DDC: variants seen among roughly 807,000 people sequenced by gnomAD.
DDC encodes the protein dopa decarboxylase.
DDC carries 43 observed loss-of-function variants against 60.0 expected under a neutral mutation model. The observed-to-expected ratio is 0.72, with a 90% CI of 0.56 to 0.92. DDC has a LOEUF of 0.92. Ranked by LOEUF, DDC falls within the 40% of genes least tolerant of loss-of-function variation. The pLI, the probability that DDC is intolerant of heterozygous loss-of-function variation, is 0.00. For missense variants in DDC, 573 were observed against 620.2 expected, an observed-to-expected ratio of 0.92 and a Z score of 0.81; for synonymous variants, 232 against 234.6, an observed-to-expected ratio of 0.99 and a Z score of 0.10.
intron 1 of DDC, chr7:50,563,916 T>C (rs1404094256): frequency 2.0e-5 from 3 of 152,226 alleles, no homozygotes; most frequent in Non-Finnish European, 2.9e-5. Flanking sequence ...TTTTATATAA[T>C]AATTTATTTA....
chr7:50,474,923 C>T (rs2042608883), intron 11 of DDC, among the ~76,000 whole-genome samples: 1 of 152,204 alleles, frequency 6.6e-6, no homozygotes, highest in Non-Finnish European at 1.5e-5. Context: ...AGCTCATCCT[C>T]AGCAGAAAGC....
At chr7:50,460,912 C>T (rs963556232) in intron 14 of DDC, among the ~76,000 whole-genome samples, 2 of 150,432 alleles carry the variant, frequency 1.3e-5, no homozygotes, top group Non-Finnish European at 3.0e-5. Context: ...ACAAACACTG[C>T]GGAAGGCCGC....
intron 6 of DDC, among the ~76,000 whole-genome samples, chr7:50,519,748 G>A (rs184183237): frequency 1.3e-3 from 199 of 152,054 alleles, no homozygotes; most frequent in Middle Eastern, 0.01. Flanking sequence ...GGAAGAGTGG[G>A]AGCGGGGGTG....
At chr7:50,469,387 G>A (rs1224014940) in intron 12 of DDC, among the ~76,000 whole-genome samples, 1 of 152,108 alleles carries the variant, frequency 6.6e-6, no homozygotes, top group Non-Finnish European at 1.5e-5. Flanking sequence ...CTGCAGGCCG[G>A]CACTGCTGGT....
chr7:50,516,061 T>C (rs534363733), intron 6 of DDC, among the ~76,000 whole-genome samples: 80 of 152,142 alleles, frequency 5.3e-4, no homozygotes, highest in Middle Eastern at 3.4e-3. Context: ...TTAAACTATA[T>C]CCTGGAACAA....
chr7:50,462,361 C>T (rs1357899631), intron 14 of DDC, among the ~76,000 whole-genome samples: 2 of 151,956 alleles, frequency 1.3e-5, no homozygotes, highest in African/African-American at 4.8e-5. Flanking sequence ...TTTTAAATAC[C>T]CTCCATGTTG....
intron 1 of DDC, among the ~76,000 whole-genome samples, chr7:50,560,827 G>A (rs1269753729): frequency 6.6e-6 from 1 of 152,164 alleles, no homozygotes; most frequent in Admixed American, 6.5e-5. Flanking sequence ...AAAAGTTCCT[G>A]TAAACCCTGT....
intron 1 of DDC, among the ~76,000 whole-genome samples, chr7:50,548,818 G>A (rs574873296): frequency 1.3e-5 from 2 of 152,256 alleles, no homozygotes; most frequent in South Asian, 4.1e-4. Context: ...AGCCCTCTAG[G>A]GCTTTCATAG....
At chr7:50,523,011 C>T (rs2043940989) in intron 6 of DDC, among the ~76,000 whole-genome samples, 1 of 152,276 alleles carries the variant, frequency 6.6e-6, no homozygotes, top group South Asian at 2.1e-4. Context: ...CCCCATGATC[C>T]AATCACCTTC....
intron 14 of DDC, among the ~76,000 whole-genome samples, chr7:50,459,253 T>G (rs1382112382): frequency 3.9e-4 from 60 of 152,346 alleles, no homozygotes; most frequent in Non-Finnish European, 1.0e-4. Context: ...TCTGGTTCAC[T>G]CAGTGCTCAA....
At chr7:50,540,836 T>C (rs1190910188) in intron 2 of DDC, among the ~76,000 whole-genome samples, 1 of 152,092 alleles carries the variant, frequency 6.6e-6, no homozygotes, top group Non-Finnish European at 1.5e-5. Flanking sequence ...GACAGGGGGT[T>C]TCAGGATCCA....
chr7:50,511,860 A>G (rs1388809327), intron 6 of DDC, among the ~76,000 whole-genome samples: 1 of 152,208 alleles, frequency 6.6e-6, no homozygotes, highest in East Asian at 1.9e-4. Flanking sequence ...ACAAAGAATA[A>G]GAGCAGCAAA....
intron 6 of DDC, among the ~76,000 whole-genome samples, chr7:50,510,112 C>T (rs1485214158): frequency 6.6e-6 from 1 of 152,050 alleles, no homozygotes; most frequent in Non-Finnish European, 1.5e-5. Flanking sequence ...GCTGGGACTA[C>T]AGGTGACTGC....
intron 1 of DDC, among the ~76,000 whole-genome samples, chr7:50,558,900 G>A (rs1244663555): frequency 6.6e-6 from 1 of 152,200 alleles, no homozygotes; most frequent in Non-Finnish European, 1.5e-5. Context: ...ACAGGGGAAT[G>A]TGGCTTCGGG....
At chr7:50,492,701 T>TG in intron 9 of DDC, 2 of 1,386,356 alleles carry the variant, frequency 1.4e-6, no homozygotes, top group East Asian at 2.8e-5. Context: ...AAATGGCCTT[T>TG]TCCAAATGGC....
chr7:50,477,195 T>C (rs2042665072), intron 10 of DDC, among the ~76,000 whole-genome samples: 1 of 152,190 alleles, frequency 6.6e-6, no homozygotes, highest in African/African-American at 2.4e-5. Flanking sequence ...ACATTGGTTA[T>C]GAAAAATGGA....
intron 6 of DDC, among the ~76,000 whole-genome samples, chr7:50,516,373 A>G (rs1334198112): frequency 6.6e-6 from 1 of 152,184 alleles, no homozygotes; most frequent in Non-Finnish European, 1.5e-5. Flanking sequence ...AAATTCTTCA[A>G]ACAGAACAAC....
chr7:50,553,110 A>G (rs1011633483), intron 1 of DDC, among the ~76,000 whole-genome samples: 1 of 152,234 alleles, frequency 6.6e-6, no homozygotes, highest in Non-Finnish European at 1.5e-5. Flanking sequence ...GCCACTGTGC[A>G]TGTGAGGTAG....
chr7:50,550,723 A>C (rs1243101704), intron 1 of DDC, among the ~76,000 whole-genome samples: 1 of 152,200 alleles, frequency 6.6e-6, no homozygotes, highest in Non-Finnish European at 1.5e-5. Context: ...AGTTAGTTGC[A>C]TTCTTTTGAG....
Sources: gnomAD v4.1 joint callset for allele counts (sites outside exome capture counted in the v4.1 genomes callset) on GRCh38, gnomAD v4.1.1 for gene constraint, MANE v1.5 for transcripts, NCBI Gene and HGNC (gene_info 2026-07-23, HGNC 2026-07-21) for gene names.